ARB2A: variants seen among roughly 807,000 people sequenced by gnomAD.
ARB2A encodes the protein cotranscriptional regulator ARB2A.
At chr5:93,648,044 G>A in the ARB2A span, among the ~76,000 whole-genome samples, 1 of 151,724 alleles carries the variant, frequency 6.6e-6, no homozygotes, top group Non-Finnish European at 1.5e-5. Flanking sequence ...TTAGGAGGCT[G>A]AGGTGGGAGG....
At chr5:94,011,170 G>A in the ARB2A span, among the ~76,000 whole-genome samples, 2 of 152,076 alleles carry the variant, frequency 1.3e-5, no homozygotes, top group Non-Finnish European at 1.5e-5. Context: ...TAGTCTCATG[G>A]TTCTTCTCTT....
chr5:93,804,809 G>A, the ARB2A span: 1 of 553,348 alleles, frequency 1.8e-6, no homozygotes, highest in East Asian at 1.5e-4. Flanking sequence ...TATATCTTTA[G>A]TAATCTTTTT....
chr5:94,000,120 A>G, the ARB2A span, among the ~76,000 whole-genome samples: 19 of 152,228 alleles, frequency 1.2e-4, no homozygotes, highest in African/African-American at 4.6e-4. Context: ...TAAATCTACT[A>G]TAAACATCCA....
At chr5:93,741,114 A>G in the ARB2A span, 2 of 1,613,736 alleles carry the variant, frequency 1.2e-6, no homozygotes, top group Non-Finnish European at 1.7e-6. Context: ...GAGCTCCCAC[A>G]GCGATCCCCA....
the ARB2A span, among the ~76,000 whole-genome samples, chr5:94,087,458 A>G: frequency 1.3e-5 from 2 of 152,190 alleles, no homozygotes. Flanking sequence ...ACAGTAAGCT[A>G]GTTTATTATT....
At chr5:94,012,441 T>G in the ARB2A span, among the ~76,000 whole-genome samples, 1 of 152,104 alleles carries the variant, frequency 6.6e-6, no homozygotes, top group South Asian at 2.1e-4. Context: ...AGGATAAAAT[T>G]AGCGATTGTG....
At chr5:93,821,080 T>C in the ARB2A span, among the ~76,000 whole-genome samples, 5 of 152,210 alleles carry the variant, frequency 3.3e-5, no homozygotes, top group African/African-American at 1.2e-4. Context: ...TAGGATATAA[T>C]AGTAAATTAT....
the ARB2A span, among the ~76,000 whole-genome samples, chr5:94,062,868 C>T: frequency 6.6e-6 from 1 of 152,218 alleles, no homozygotes; most frequent in Non-Finnish European, 1.5e-5. Flanking sequence ...CCATTAGCAG[C>T]AACCCCATTG....
At chr5:93,668,822 GATC>G in the ARB2A span, among the ~76,000 whole-genome samples, 1 of 151,744 alleles carries the variant, frequency 6.6e-6, no homozygotes, top group Non-Finnish European at 1.5e-5. Context: ...CCTCCTTATT[GATC>G]ATCAGACCAT....
At chr5:93,723,087 G>A in the ARB2A span, among the ~76,000 whole-genome samples, 2 of 152,086 alleles carry the variant, frequency 1.3e-5, no homozygotes, top group African/African-American at 4.8e-5. Flanking sequence ...GCTTTCAAAT[G>A]AATTTGCCAT....
chr5:93,678,754 T>TA, the ARB2A span, among the ~76,000 whole-genome samples: 46 of 137,680 alleles, frequency 3.3e-4, no homozygotes, highest in South Asian at 1.4e-3. Context: ...AGACTTCGTC[T>TA]AAAAAAAAAA....
At chr5:93,852,813 G>T in the ARB2A span, among the ~76,000 whole-genome samples, 1 of 152,002 alleles carries the variant, frequency 6.6e-6, no homozygotes, top group Admixed American at 6.6e-5. Flanking sequence ...CATTGATCTA[G>T]TTCTCTGTTT....
At chr5:93,748,181 C>T in the ARB2A span, among the ~76,000 whole-genome samples, 16 of 152,066 alleles carry the variant, frequency 1.1e-4, no homozygotes, top group African/African-American at 1.7e-4. Flanking sequence ...ATATGTTCTA[C>T]GGCAGGTGTC....
the ARB2A span, chr5:93,737,857 A>C: frequency 2.3e-6 from 1 of 426,156 alleles, no homozygotes; most frequent in Admixed American, 2.9e-5. Context: ...CAAAGTCCTA[A>C]ATTTAATAAA....
At chr5:93,621,921 G>A in the ARB2A span, among the ~76,000 whole-genome samples, 2 of 152,134 alleles carry the variant, frequency 1.3e-5, no homozygotes, top group Admixed American at 1.3e-4. Context: ...TTTATCAGGA[G>A]GAATTCAACT....
At chr5:94,050,745 C>G in the ARB2A span, 1 of 1,605,026 alleles carries the variant, frequency 6.2e-7, no homozygotes, top group Non-Finnish European at 8.5e-7. Flanking sequence ...CCTAGAGCCT[C>G]GTATCTTTTC....
At chr5:94,029,434 G>A in the ARB2A span, among the ~76,000 whole-genome samples, 3 of 152,166 alleles carry the variant, frequency 2.0e-5, no homozygotes, top group Admixed American at 6.5e-5. Context: ...CTGTGTTCTA[G>A]ATTTGTCTAA....
At chr5:93,754,236 C>T in the ARB2A span, among the ~76,000 whole-genome samples, 1 of 152,210 alleles carries the variant, frequency 6.6e-6, no homozygotes, top group Non-Finnish European at 1.5e-5. Flanking sequence ...ATGGAGCTCA[C>T]ATTCTAGTAG....
chr5:93,819,310 A>C, the ARB2A span, among the ~76,000 whole-genome samples: 2 of 151,984 alleles, frequency 1.3e-5, no homozygotes, highest in African/African-American at 4.8e-5. Context: ...GCAGTATTAG[A>C]CTCTTTATCC....
Sources: gnomAD v4.1 joint callset for allele counts (sites outside exome capture counted in the v4.1 genomes callset) on GRCh38, gnomAD v4.1.1 for gene constraint, MANE v1.5 for transcripts, NCBI Gene and HGNC (gene_info 2026-07-23, HGNC 2026-07-21) for gene names.